The following CSMD3 variants were observed in gnomAD, a reference collection of about 807,000 sequenced individuals.
CSMD3 encodes the protein CUB and sushi domain-containing protein 3.
CSMD3 carries 177 observed loss-of-function variants against 435.2 expected under a neutral mutation model. That is an observed-to-expected ratio of 0.41 (90% CI 0.36 to 0.46). The LOEUF (loss-of-function observed/expected upper bound fraction) is 0.46. Among genes scored for constraint, CSMD3 ranks in the 20% least tolerant of loss-of-function variants. The pLI is 0.34. For missense variants in CSMD3, 4,265 were observed against 4,504.6 expected (o/e 0.95, Z 1.52); for synonymous variants, 1,656 against 1,520.5 (o/e 1.09, Z -2.07).
At chr8:113,367,548 A>T (rs1304888545) in intron 1 of CSMD3, among the ~76,000 whole-genome samples, 1 of 152,102 alleles carries the variant, frequency 6.6e-6, no homozygotes, top group East Asian at 1.9e-4. Flanking sequence ...CTGAAATTGG[A>T]ATATTATCTG....
chr8:113,016,603 T>C (rs1263148413), intron 6 of CSMD3, among the ~76,000 whole-genome samples: 1 of 151,878 alleles, frequency 6.6e-6, no homozygotes, highest in Non-Finnish European at 1.5e-5. Flanking sequence ...TAATTATAGG[T>C]AAATCAATAA....
Position 113,005,403 on chromosome 8 carries a change from A to T in CSMD3, c.1030+13664T>A, listed in dbSNP as rs1293263268. The stretch of plus-strand genomic sequence containing the variant: ...GTAATTTAAATTAAGGCCATATAGA[A>T]TCAAAAGTATTTGATTCTCATTTAG... On this transcript the variant is annotated intron_variant, in intron 6 of 70. Transcript: ENST00000297405. Among the ~76,000 whole-genome samples, 4 of 152,156 alleles carry T rather than the reference A, an allele frequency of 2.6e-5. No homozygotes were observed. In the East Asian group the frequency reaches 7.7e-4, roughly 29 times the overall value.
intron 11 of CSMD3, among the ~76,000 whole-genome samples, chr8:112,856,840 A>C (rs2080674327): frequency 1.3e-5 from 2 of 151,850 alleles, no homozygotes; most frequent in Admixed American, 1.3e-4. Flanking sequence ...TATGCCAACT[A>C]GTATAGCTGT....
chr8:112,463,738 CA>C (rs1221108131), intron 32 of CSMD3, among the ~76,000 whole-genome samples: 1 of 152,044 alleles, frequency 6.6e-6, no homozygotes, highest in Non-Finnish European at 1.5e-5. Context: ...ATGTTAAGTT[CA>C]GAGAAACAAC....
At chr8:113,069,204 C>T (rs986448744) in intron 5 of CSMD3, among the ~76,000 whole-genome samples, 11 of 152,086 alleles carry the variant, frequency 7.2e-5, no homozygotes, top group Non-Finnish European at 1.5e-5. Flanking sequence ...AAACTTGGCA[C>T]ACACAACGCT....
chr8:112,928,540 T>C (rs950469469), intron 9 of CSMD3, among the ~76,000 whole-genome samples: 7 of 151,994 alleles, frequency 4.6e-5, no homozygotes, highest in African/African-American at 1.4e-4. Context: ...ATGTGGTGTT[T>C]GGTTTTTTGT....
In CSMD3 at chr8:112,666,372, G is replaced by A. The variant is rs145310184; in HGVS notation, c.2721C>T (p.Leu907=). 6 of 1,612,530 alleles carry A rather than the reference G, an allele frequency of 3.7e-6. No homozygotes were observed. The highest frequency in any genetic ancestry group is 2.2e-5 in the South Asian group (2 of 90,924). Reference sequence around the variant, plus strand: ...TGTAGTATCCTGGCCATCCTGGTGAGAGAATCACTCCACTGGGAGCTGAAA... The same window carrying A: ...TGTAGTATCCTGGCCATCCTGGTGAAAGAATCACTCCACTGGGAGCTGAAA... ...GHFSAPSGVI[L]SPGWPGYYKD... Residue 907 remains leucine (L), a synonymous_variant, in exon 17 of 71, where the codon CTC becomes CTT. Transcript: ENST00000297405.
intron 3 of CSMD3, among the ~76,000 whole-genome samples, chr8:113,222,095 T>C (rs2092974156): frequency 6.6e-6 from 1 of 151,292 alleles, no homozygotes; most frequent in South Asian, 2.1e-4. Context: ...ATGTAGATGA[T>C]GACAAAAGGA....
intron 10 of CSMD3, among the ~76,000 whole-genome samples, chr8:112,880,657 C>T (rs1192773093): frequency 2.0e-5 from 3 of 151,946 alleles, no homozygotes; most frequent in Non-Finnish European, 2.9e-5. Flanking sequence ...TTTGATGGTG[C>T]TGGGGATGTA....
At position 112,643,081 on chromosome 8, in the gene CSMD3, G is replaced by GGGATAGA. The variant is rs551753007; in HGVS notation, c.3310+2021_3310+2027dup. ...AGAAAAGACTTGGAATCATGATCTA[G>GGGATAGA]GGATAGAGGACATGAAAAACATGGT... is the stretch of plus-strand genomic sequence containing the variant. On this transcript the variant is annotated intron_variant, in intron 20 of 70. Transcript: ENST00000297405. Among the ~76,000 whole-genome samples the GGGATAGA allele has an allele frequency of 4.9e-3, 740 of 152,240 alleles. 10 individuals carry two copies. Among genetic ancestry groups the GGGATAGA allele is most frequent in the African/African-American group, 0.017 (694 of 41,562 alleles).
intron 1 of CSMD3, among the ~76,000 whole-genome samples, chr8:113,377,819 C>T (rs567236857): frequency 6.1e-4 from 93 of 152,184 alleles, no homozygotes; most frequent in Non-Finnish European, 1.2e-3. Flanking sequence ...AATGATTTAT[C>T]TGCCAAAAGT....
chr8:112,542,218 A>AC (rs1420148806), intron 27 of CSMD3, among the ~76,000 whole-genome samples: 1 of 151,582 alleles, frequency 6.6e-6, no homozygotes, highest in Admixed American at 6.6e-5. Context: ...AAAAAAAAAA[A>AC]AACTGAGAAC....
intron 22 of CSMD3, among the ~76,000 whole-genome samples, chr8:112,627,093 C>T (rs924448802): frequency 6.6e-6 from 1 of 151,964 alleles, no homozygotes; most frequent in African/African-American, 2.4e-5. Context: ...GACAAGTAAC[C>T]TAATTAAGTA....
chr8:113,017,711 A>C (rs2086521715), intron 6 of CSMD3, among the ~76,000 whole-genome samples: 1 of 152,126 alleles, frequency 6.6e-6, no homozygotes, highest in Middle Eastern at 3.4e-3. Flanking sequence ...ACAATATCTT[A>C]TTTTCAATAA....
At chr8:113,366,218 A>C (rs2094310325) in intron 1 of CSMD3, among the ~76,000 whole-genome samples, 1 of 151,978 alleles carries the variant, frequency 6.6e-6, no homozygotes, top group Non-Finnish European at 1.5e-5. Flanking sequence ...CAGGAGACAG[A>C]ATCTCTTTGT....
At chr8:112,432,900 G>C (rs893487347) in intron 32 of CSMD3, among the ~76,000 whole-genome samples, 20 of 104,826 alleles carry the variant, frequency 1.9e-4, no homozygotes, top group Non-Finnish European at 2.0e-4. Flanking sequence ...ACGTAGCAAG[G>C]CTCCACTGGA....
chr8:112,560,348 A>C (rs1172497381), intron 24 of CSMD3, among the ~76,000 whole-genome samples: 1 of 151,622 alleles, frequency 6.6e-6, no homozygotes, highest in Non-Finnish European at 1.5e-5. Context: ...TATAGCTGAA[A>C]TTCTTTCCTT....
intron 22 of CSMD3, among the ~76,000 whole-genome samples, chr8:112,593,619 T>TAA: frequency 6.6e-6 from 1 of 152,248 alleles, no homozygotes; most frequent in South Asian, 2.1e-4. Flanking sequence ...AATACACACA[T>TAA]ATATATGTAC....
chr8:112,386,060 A>C (rs560732043), intron 36 of CSMD3, among the ~76,000 whole-genome samples: 11 of 152,322 alleles, frequency 7.2e-5, no homozygotes, highest in African/African-American at 2.6e-4. Context: ...GGAGGCAGAA[A>C]TTGGAGTGAT....
Sources: gnomAD v4.1 joint callset for allele counts (sites outside exome capture counted in the v4.1 genomes callset) on GRCh38, gnomAD v4.1.1 for gene constraint, MANE v1.5 for transcripts, NCBI Gene and HGNC (gene_info 2026-07-23, HGNC 2026-07-21) for gene names.